SPATA13: variants seen among roughly 807,000 people sequenced by gnomAD.
The protein encoded by SPATA13 is spermatogenesis associated 13, also known as spermatogenesis-associated protein 13.
SPATA13 carries 50 observed loss-of-function variants against 104.0 expected under a neutral mutation model. That is an observed-to-expected ratio of 0.48 (90% CI 0.38 to 0.61). The LOEUF (loss-of-function observed/expected upper bound fraction) is 0.61. Ranked by LOEUF, SPATA13 falls within the 20% of genes least tolerant of loss-of-function variation. SPATA13 has a pLI of 0.00. For synonymous variants in SPATA13, 606 were observed against 667.5 expected, an observed-to-expected ratio of 0.91 and a Z score of 1.42; for missense variants, 1,524 against 1,690.6, an observed-to-expected ratio of 0.90 and a Z score of 1.73.
At chr13:24,080,276 G>A (rs561240858) in intron 3 of SPATA13, among the ~76,000 whole-genome samples, 1 of 152,216 alleles carries the variant, frequency 6.6e-6, no homozygotes, top group Non-Finnish European at 1.5e-5. Context: ...AAGGTTTACT[G>A]CTGTAAACAA....
chr13:24,058,026 C>A (rs1878629397), intron 3 of SPATA13, among the ~76,000 whole-genome samples: 1 of 151,858 alleles, frequency 6.6e-6, no homozygotes, highest in African/African-American at 2.4e-5. Flanking sequence ...CAGTGTCATT[C>A]CTGCTTAATA....
chr13:24,270,412 G>T (rs1424377738), intron 4 of SPATA13, among the ~76,000 whole-genome samples: 3 of 152,138 alleles, frequency 2.0e-5, no homozygotes, highest in Middle Eastern at 3.4e-3. Flanking sequence ...CTGTATTTTT[G>T]AACTAAGTGA....
chr13:24,248,776 C>T (rs1873304698), intron 2 of SPATA13, among the ~76,000 whole-genome samples: 4 of 152,150 alleles, frequency 2.6e-5, no homozygotes, highest in Admixed American at 2.6e-4. Flanking sequence ...GTGGGTAGAA[C>T]AGCAGTGGAT....
chr13:24,210,955 ACCT>A (rs1870980230), intron 1 of SPATA13, among the ~76,000 whole-genome samples: 1 of 151,326 alleles, frequency 6.6e-6, no homozygotes. Flanking sequence ...CAGATCTTTC[ACCT>A]CCTTGATTAA....
At chr13:24,123,266 C>T in intron 3 of SPATA13, 1 of 1,602,246 alleles carries the variant, frequency 6.2e-7, no homozygotes, top group Non-Finnish European at 8.5e-7. Flanking sequence ...CTTTCACAGG[C>T]ATTTCTCTAT....
intron 2 of SPATA13, among the ~76,000 whole-genome samples, chr13:24,229,549 G>A (rs1306782555): frequency 6.6e-6 from 1 of 152,120 alleles, no homozygotes; most frequent in Non-Finnish European, 1.5e-5. Context: ...GGTTATCACT[G>A]TTTAGATGAT....
At chr13:24,220,838 C>G (rs1345279632) in intron 1 of SPATA13, among the ~76,000 whole-genome samples, 1 of 152,088 alleles carries the variant, frequency 6.6e-6, no homozygotes, top group Non-Finnish European at 1.5e-5. Context: ...GATGTAGGGG[C>G]AAATAAAAAT....
chr13:24,058,378 C>T (rs1394382850), intron 3 of SPATA13, among the ~76,000 whole-genome samples: 1 of 151,850 alleles, frequency 6.6e-6, no homozygotes, highest in African/African-American at 2.4e-5. Context: ...ACCGTAATCC[C>T]TTCAGCAGGG....
upstream of SPATA13, among the ~76,000 whole-genome samples, chr13:24,158,094 G>C (rs1471776997): frequency 6.6e-6 from 1 of 152,214 alleles, no homozygotes; most frequent in Non-Finnish European, 1.5e-5. Flanking sequence ...GTGAGAGGTG[G>C]TAGTTTCTAT....
intron 3 of SPATA13, among the ~76,000 whole-genome samples, chr13:24,132,744 C>T (rs1012594102): frequency 6.6e-6 from 1 of 152,088 alleles, no homozygotes; most frequent in Non-Finnish European, 1.5e-5. Context: ...GAGGCCAAGG[C>T]AGGTGGATCA....
intron 3 of SPATA13, among the ~76,000 whole-genome samples, chr13:24,069,792 A>G (rs1593310769): frequency 6.6e-6 from 1 of 152,220 alleles, no homozygotes; most frequent in East Asian, 1.9e-4. Flanking sequence ...TTACCAGTTC[A>G]ATAATTCTAT....
chr13:24,004,609 C>T (rs1252579332), intron 2 of SPATA13, among the ~76,000 whole-genome samples: 2 of 152,120 alleles, frequency 1.3e-5, no homozygotes, highest in Non-Finnish European at 2.9e-5. Flanking sequence ...TGGCTGTGGG[C>T]AACAGACCCT....
intron 3 of SPATA13, among the ~76,000 whole-genome samples, chr13:24,109,691 G>A (rs1412273945): frequency 6.6e-6 from 1 of 152,038 alleles, no homozygotes; most frequent in Non-Finnish European, 1.5e-5. Flanking sequence ...AAAATGACCT[G>A]ATACTAACCC....
intron 3 of SPATA13, among the ~76,000 whole-genome samples, chr13:24,081,194 C>A (rs1879504307): frequency 6.6e-6 from 1 of 152,184 alleles, no homozygotes; most frequent in African/African-American, 2.4e-5. Flanking sequence ...TGACTCCTTT[C>A]AGGTAGATCT....
At chr13:24,071,548 G>C (rs1404808134) in intron 3 of SPATA13, among the ~76,000 whole-genome samples, 1 of 152,184 alleles carries the variant, frequency 6.6e-6, no homozygotes, top group African/African-American at 2.4e-5. Flanking sequence ...CTGTCTGGTG[G>C]AACTAGGGAA....
At chr13:24,281,572 G>A (rs888259026) in intron 4 of SPATA13, among the ~76,000 whole-genome samples, 1 of 152,226 alleles carries the variant, frequency 6.6e-6, no homozygotes, top group African/African-American at 2.4e-5. Context: ...ATGGACGTAA[G>A]CAGCTGGTTC....
chr13:24,233,755 T>C (rs1188768149), intron 2 of SPATA13, among the ~76,000 whole-genome samples: 1 of 152,188 alleles, frequency 6.6e-6, no homozygotes, highest in Non-Finnish European at 1.5e-5. Context: ...CAGTACAGAC[T>C]AGTTAAACCG....
At chr13:24,193,723 C>T (rs1489469428) in intron 1 of SPATA13, among the ~76,000 whole-genome samples, 5 of 152,278 alleles carry the variant, frequency 3.3e-5, no homozygotes, top group African/African-American at 1.2e-4. Context: ...TAGCAAATAT[C>T]AGAGGAGCAG....
intron 2 of SPATA13, among the ~76,000 whole-genome samples, chr13:24,000,677 T>C (rs1243031226): frequency 6.6e-6 from 1 of 151,872 alleles, no homozygotes; most frequent in Non-Finnish European, 1.5e-5. Context: ...GAGGCTTGTG[T>C]TCAAGAAAGG....
Sources: allele counts gnomAD v4.1 joint callset (sites outside exome capture counted in the v4.1 genomes callset), GRCh38; gene constraint gnomAD v4.1.1; transcripts MANE v1.5; gene names NCBI Gene and HGNC (gene_info 2026-07-23, HGNC 2026-07-21).